Variants in SEMA6D observed in about 807,000 individuals in gnomAD.
SEMA6D encodes semaphorin-6D.
Under a neutral mutation model 106.6 loss-of-function variants are expected in SEMA6D, and 35 were observed. That is an observed-to-expected ratio of 0.33 (90% CI 0.25 to 0.44). SEMA6D has a LOEUF of 0.44. Among genes scored for constraint, SEMA6D ranks in the 20% least tolerant of loss-of-function variants. The pLI, the probability that SEMA6D is intolerant of heterozygous loss-of-function variation, is 1.00. For missense variants in SEMA6D, 1,185 were observed against 1,345.9 expected (o/e 0.88, Z 1.87); for synonymous variants, 499 against 487.7 (o/e 1.02, Z -0.31).
chr15:47,701,645 C>T (rs909673413), intron 4 of SEMA6D, among the ~76,000 whole-genome samples: 1 of 152,050 alleles, frequency 6.6e-6, no homozygotes, highest in South Asian at 2.1e-4. Flanking sequence ...TGTATTCATC[C>T]ACTTATAAAT....
intron 1 of SEMA6D, among the ~76,000 whole-genome samples, chr15:47,337,195 A>G (rs1481056527): frequency 6.6e-6 from 1 of 152,194 alleles, no homozygotes; most frequent in Non-Finnish European, 1.5e-5. Context: ...TCTTAAGGCA[A>G]TCACCTGGGT....
At chr15:47,355,330 C>G (rs1225495872) in intron 1 of SEMA6D, among the ~76,000 whole-genome samples, 1 of 152,126 alleles carries the variant, frequency 6.6e-6, no homozygotes, top group Non-Finnish European at 1.5e-5. Flanking sequence ...TTTACCTCCT[C>G]TAAAATTTCT....
chr15:47,411,531 C>T (rs1244424245), intron 1 of SEMA6D, among the ~76,000 whole-genome samples: 1 of 152,132 alleles, frequency 6.6e-6, no homozygotes, highest in African/African-American at 2.4e-5. Context: ...CTCTTAGCAT[C>T]AAACAAGCTA....
intron 1 of SEMA6D, among the ~76,000 whole-genome samples, chr15:47,332,709 C>G (rs1008338762): frequency 2.6e-5 from 4 of 152,086 alleles, no homozygotes; most frequent in South Asian, 2.1e-4. Context: ...CATGCCTGGC[C>G]GTGATCTTAA....
chr15:47,680,699 G>C (rs1203915040), intron 4 of SEMA6D, among the ~76,000 whole-genome samples: 1 of 151,860 alleles, frequency 6.6e-6, no homozygotes, highest in Non-Finnish European at 1.5e-5. Flanking sequence ...ATCTGAAAAG[G>C]GGTTAGTATC....
intron 4 of SEMA6D, among the ~76,000 whole-genome samples, chr15:47,697,412 T>A (rs186013622): frequency 6.6e-6 from 1 of 152,306 alleles, no homozygotes. Context: ...ACACTGGAAG[T>A]ATCCACAATA....
At position 47,323,088 on chromosome 15, in the gene SEMA6D, A is replaced by C. The variant is rs181932168; in HGVS notation, c.-238-89305A>C. On this transcript the variant is annotated intron_variant, in intron 1 of 19. Coordinates refer to the SEMA6D transcript ENST00000558014. ...AGACTATTATAGCTGATAAATATAT[A>C]TCTCTCATCTTTTCATATTGTCTAT... Among the ~76,000 whole-genome samples, 170 of 152,298 alleles carry C rather than the reference A, an allele frequency of 1.1e-3. 1 individual carries two copies. The highest frequency in any genetic ancestry group is 3.8e-3 in the African/African-American group (159 of 41,556).
chr15:47,598,502 A>G (rs1239473262), intron 3 of SEMA6D, among the ~76,000 whole-genome samples: 1 of 152,122 alleles, frequency 6.6e-6, no homozygotes, highest in African/African-American at 2.4e-5. Flanking sequence ...TTAAGCAGAC[A>G]CCTTTGAATT....
chr15:47,715,638 G>A (rs879051728), upstream of SEMA6D, among the ~76,000 whole-genome samples: 1 of 152,118 alleles, frequency 6.6e-6, no homozygotes, highest in Admixed American at 6.5e-5. Context: ...CGACCTACCA[G>A]CATATCCTTC....
At chr15:47,352,728 T>C (rs1317946769) in intron 1 of SEMA6D, among the ~76,000 whole-genome samples, 3 of 152,202 alleles carry the variant, frequency 2.0e-5, no homozygotes, top group African/African-American at 4.8e-5. Flanking sequence ...GATTGACAGT[T>C]TTTAATGGTA....
chr15:47,344,167 G>A (rs140981393), intron 1 of SEMA6D, among the ~76,000 whole-genome samples: 1,741 of 148,490 alleles, frequency 0.012, 13 homozygotes, highest in Non-Finnish European at 0.014. Context: ...TGTGGAAGTC[G>A]GTGTGGCGAT....
intron 1 of SEMA6D, among the ~76,000 whole-genome samples, chr15:47,367,676 AC>A (rs2039089204): frequency 1.2e-5 from 1 of 82,784 alleles, no homozygotes; most frequent in Non-Finnish European, 2.5e-5. Flanking sequence ...ACGCACGCTC[AC>A]ACGCGCGCGC....
intron 3 of SEMA6D, among the ~76,000 whole-genome samples, chr15:47,545,993 T>C (rs1376595982): frequency 6.6e-6 from 1 of 152,100 alleles, no homozygotes; most frequent in Non-Finnish European, 1.5e-5. Flanking sequence ...TGAGATTAAG[T>C]ACTGCCTGAA....
At chr15:47,471,931 T>TCTCTCACACACACA (rs1555445502) in intron 3 of SEMA6D, among the ~76,000 whole-genome samples, 1 of 121,436 alleles carries the variant, frequency 8.2e-6, no homozygotes, top group Non-Finnish European at 1.7e-5. Flanking sequence ...TCTCTCTCTC[T>TCTCTCACACACACA]CACACACACA....
intron 3 of SEMA6D, among the ~76,000 whole-genome samples, chr15:47,508,101 A>C (rs2044107719): frequency 6.6e-6 from 1 of 152,160 alleles, no homozygotes; most frequent in Non-Finnish European, 1.5e-5. Context: ...CGTGAACTTC[A>C]GAGAGAGAGA....
intron 1 of SEMA6D, among the ~76,000 whole-genome samples, chr15:47,354,571 A>G (rs2038485706): frequency 6.7e-6 from 1 of 150,232 alleles, no homozygotes; most frequent in South Asian, 2.1e-4. Flanking sequence ...GTGTACATAT[A>G]TATATACACA....
At chr15:47,608,635 A>G (rs2076831257) in intron 4 of SEMA6D, among the ~76,000 whole-genome samples, 1 of 152,146 alleles carries the variant, frequency 6.6e-6, no homozygotes, top group South Asian at 2.1e-4. Flanking sequence ...GAACATATAT[A>G]TGCCATTACC....
chr15:47,655,953 C>G lies in SEMA6D; in HGVS notation c.-55+55057C>G, dbSNP rs570098442. On this transcript the variant is annotated intron_variant, in intron 4 of 19. Transcript: ENST00000558014. ...CCAGGTGAGGTTGAGCAAGGTGATG[C>G]TCTGCCTTTTTATTTCAGCTCTAAT... is the stretch of plus-strand genomic sequence containing the variant. Among the ~76,000 whole-genome samples the G allele has an allele frequency of 1.1e-4, 16 of 152,370 alleles. No homozygotes were observed. In the East Asian group the frequency reaches 2.9e-3, roughly 27 times the overall value.
chr15:47,722,420 T>C (rs960687692), intron 1 of SEMA6D, among the ~76,000 whole-genome samples: 6 of 152,202 alleles, frequency 3.9e-5, no homozygotes, highest in African/African-American at 1.4e-4. Flanking sequence ...TACCTAAATA[T>C]GGGGCCCGTG....
Sources: allele counts gnomAD v4.1 joint callset (sites outside exome capture counted in the v4.1 genomes callset), GRCh38; gene constraint gnomAD v4.1.1; transcripts MANE v1.5; gene names NCBI Gene and HGNC (gene_info 2026-07-23, HGNC 2026-07-21).